TFAP2D: variants seen among roughly 807,000 people sequenced by gnomAD.
TFAP2D encodes the protein transcription factor AP-2-delta.
In TFAP2D, 9 loss-of-function variants were observed where a neutral mutation model predicts 43.6. The observed-to-expected ratio is 0.21, with a 90% CI of 0.12 to 0.36. TFAP2D has a LOEUF of 0.36. Ranked by LOEUF, TFAP2D falls within the 10% of genes least tolerant of loss-of-function variation. The pLI is 1.00. For missense variants in TFAP2D, 513 were observed against 561.4 expected (o/e 0.91, Z 0.87); for synonymous variants, 256 against 224.9 (o/e 1.14, Z -1.24).
chr6:50,728,867 G>A lies in TFAP2D; in HGVS notation c.610G>A (p.Val204Met). ...GGVIRRGGTC[V>M]VNPTDLFCSV... ...TTTTTTCTCCCAAGGTGGCACCTGT[G>A]TGGTCAACCCCACAGACTTATTTTG... The change falls in exon 4 of 8, where the codon GTG becomes ATG. Residue 204 changes from valine to methionine, a missense_variant. Physicochemically the swap from Val to Met is conservative, Grantham distance 21. Coordinates refer to ENST00000008391, the MANE Select transcript of TFAP2D (RefSeq NM_172238.4). 1 of 1,613,832 alleles carries A rather than the reference G, an allele frequency of 6.2e-7. No homozygotes were observed.
intron 5 of TFAP2D, among the ~76,000 whole-genome samples, chr6:50,732,066 T>C (rs1297996441): frequency 1.3e-5 from 2 of 152,250 alleles, no homozygotes; most frequent in East Asian, 1.9e-4. Context: ...ATTGACCGTG[T>C]TTTTGAGTAA....
At chr6:50,768,070 G>A (rs765195251) in intron 7 of TFAP2D, among the ~76,000 whole-genome samples, 5 of 152,132 alleles carry the variant, frequency 3.3e-5, no homozygotes, top group Non-Finnish European at 7.3e-5. Flanking sequence ...TCAGTAATCT[G>A]GTGAAATTAT....
intron 7 of TFAP2D, among the ~76,000 whole-genome samples, chr6:50,751,655 G>T (rs150276634): frequency 6.6e-6 from 1 of 151,730 alleles, no homozygotes; most frequent in Non-Finnish European, 1.5e-5. Flanking sequence ...TTTTATAAGG[G>T]CACTAATCCT....
intron 5 of TFAP2D, among the ~76,000 whole-genome samples, chr6:50,730,539 C>T (rs1379384344): frequency 1.3e-5 from 2 of 151,900 alleles, no homozygotes; most frequent in African/African-American, 4.8e-5. Context: ...TGGATTGATT[C>T]CAAAGGGAGA....
chr6:50,743,498 CA>C (rs1171910352), intron 5 of TFAP2D, among the ~76,000 whole-genome samples: 1 of 151,954 alleles, frequency 6.6e-6, no homozygotes, highest in African/African-American at 2.4e-5. Flanking sequence ...CCTCCGGCCT[CA>C]GACTCCTGAG....
intron 7 of TFAP2D, 47 bp from the exon 8 acceptor site, chr6:50,772,598 T>C: frequency 1.3e-6 from 2 of 1,515,046 alleles, no homozygotes; most frequent in Non-Finnish European, 1.8e-6. Context: ...TTTCACATGA[T>C]ACTGCAAATC....
At chr6:50,735,144 A>G (rs765824989) in intron 5 of TFAP2D, among the ~76,000 whole-genome samples, 34 of 152,146 alleles carry the variant, frequency 2.2e-4, no homozygotes, top group Non-Finnish European at 4.7e-4. Context: ...GAATAAAGTC[A>G]TTATTCTCAA....
chr6:50,734,626 C>A (rs1768937958), intron 5 of TFAP2D, among the ~76,000 whole-genome samples: 1 of 152,096 alleles, frequency 6.6e-6, no homozygotes. Flanking sequence ...TGGAAGTATA[C>A]TGCTTCTTAT....
chr6:50,726,388 C>G (rs914933932), intron 3 of TFAP2D, among the ~76,000 whole-genome samples: 1 of 152,238 alleles, frequency 6.6e-6, no homozygotes, highest in Non-Finnish European at 1.5e-5. Context: ...TACATATACT[C>G]AAACGCTCTG....
At position 50,715,591 on chromosome 6, in the gene TFAP2D, C is replaced by T. The variant is rs761444472; in HGVS notation, c.515C>T (p.Ala172Val). 2.5e-6 allele frequency: 4 copies of T among 1,597,210 alleles called. No homozygotes were observed. The South Asian group carries it at 3.3e-5, about 13-fold the overall frequency. ...CCAGGGCCCAGCCTGGGGCTGGCCGCCGCGGGAGCAGACGACTTGCAGGTA... is the reference window on the plus strand; with the variant it reads ...CCAGGGCCCAGCCTGGGGCTGGCCGTCGCGGGAGCAGACGACTTGCAGGTA... The part of the protein sequence containing the change: ...LLPGPSLGLA[A>V]AGADDLQGSV... The change falls in exon 2 of 8, where the codon GCC (alanine) becomes GTC (valine). Residue 172 changes from alanine to valine, a missense_variant. Ala to Val is a moderately conservative substitution (Grantham distance 64, BLOSUM62 0). Transcript: ENST00000008391.
At chr6:50,714,997 C>G in intron 1 of TFAP2D, 119 bp from the exon 2 acceptor site, 1 of 1,369,800 alleles carries the variant, frequency 7.3e-7, no homozygotes, top group South Asian at 1.4e-5. Context: ...CCGAGTCCTA[C>G]GCGCTCGCTT....
intron 7 of TFAP2D, among the ~76,000 whole-genome samples, chr6:50,764,891 C>A (rs189478405): frequency 6.6e-6 from 1 of 152,134 alleles, no homozygotes; most frequent in Non-Finnish European, 1.5e-5. Context: ...ACATCCATCA[C>A]CTCACATAGT....
At chr6:50,729,115 C>T (rs1768848202) in intron 4 of TFAP2D, 79 bp from the exon 5 acceptor site, 1 of 1,600,116 alleles carries the variant, frequency 6.2e-7, no homozygotes, top group Non-Finnish European at 8.5e-7. Flanking sequence ...ATAGTGTATT[C>T]CCCATGTGGT....
chr6:50,753,246 T>C (rs1211365275), intron 7 of TFAP2D, among the ~76,000 whole-genome samples: 1 of 151,980 alleles, frequency 6.6e-6, no homozygotes, highest in Non-Finnish European at 1.5e-5. Context: ...GACTCTGTCA[T>C]GTATGCTAGA....
intron 7 of TFAP2D, among the ~76,000 whole-genome samples, chr6:50,765,726 A>G (rs1452172629): frequency 6.7e-6 from 1 of 150,086 alleles, no homozygotes; most frequent in Non-Finnish European, 1.5e-5. Context: ...TTTTTTTCCT[A>G]TTGAGTTGCA....
chr6:50,722,369 T>A (rs958893155), intron 3 of TFAP2D, among the ~76,000 whole-genome samples: 1 of 152,216 alleles, frequency 6.6e-6, no homozygotes, highest in East Asian at 1.9e-4. Flanking sequence ...ATCATATTAA[T>A]GTTGTACGTA....
At chr6:50,768,090 C>T (rs1313484014) in intron 7 of TFAP2D, among the ~76,000 whole-genome samples, 2 of 152,058 alleles carry the variant, frequency 1.3e-5, no homozygotes, top group African/African-American at 2.4e-5. Flanking sequence ...TATGCAAATG[C>T]CAAGGGTAAC....
intron 2 of TFAP2D, among the ~76,000 whole-genome samples, chr6:50,716,606 A>C (rs1025717070): frequency 6.6e-6 from 1 of 152,230 alleles, no homozygotes; most frequent in Non-Finnish European, 1.5e-5. Context: ...GATAGAATTT[A>C]TAATTATGCA....
intron 5 of TFAP2D, among the ~76,000 whole-genome samples, chr6:50,733,463 ATCT>A (rs1201215995): frequency 1.3e-5 from 2 of 152,092 alleles, no homozygotes; most frequent in African/African-American, 2.4e-5. Context: ...TGCTTAACTG[ATCT>A]TCTTGAAGAG....
Sources: allele counts gnomAD v4.1 joint callset (sites outside exome capture counted in the v4.1 genomes callset), GRCh38; gene constraint gnomAD v4.1.1; transcripts MANE v1.5; gene names NCBI Gene and HGNC (gene_info 2026-07-23, HGNC 2026-07-21).